USP33: variants seen among roughly 807,000 people sequenced by gnomAD.
USP33 encodes the protein ubiquitin specific peptidase 33, also known as ubiquitin carboxyl-terminal hydrolase 33.
In USP33, 46 loss-of-function variants were observed where a neutral mutation model predicts 124.2. That is an observed-to-expected ratio of 0.37 (90% CI 0.29 to 0.47). The LOEUF is 0.47. USP33 is among the 20% of genes least tolerant of loss of function. USP33 has a pLI of 0.99. For missense variants in USP33, 851 were observed against 1,070.6 expected, an observed-to-expected ratio of 0.79 and a Z score of 2.86; for synonymous variants, 350 against 352.3, an observed-to-expected ratio of 0.99 and a Z score of 0.07.
At chr1:77,713,485 A>AGT in intron 19 of USP33, 2 of 464,346 alleles carry the variant, frequency 4.3e-6, no homozygotes, top group Non-Finnish European at 7.4e-6. Context: ...CCTGGGCTCA[A>AGT]GGCATCCTCC....
intron 22 of USP33, among the ~76,000 whole-genome samples, chr1:77,698,610 C>T (rs1254579321): frequency 6.6e-6 from 1 of 151,060 alleles, no homozygotes; most frequent in Non-Finnish European, 1.5e-5. Flanking sequence ...ATGCCATTCT[C>T]CTGCCTCAGC....
rs749660866 is a variant in USP33 at position 77,722,015 on chromosome 1, A to C, written c.1562+9T>G. 1.2e-6 allele frequency: 2 copies of C among 1,608,292 alleles called. No homozygotes were observed. The highest frequency in any genetic ancestry group is 2.2e-5 in the South Asian group (2 of 89,808). Reference sequence around the variant, plus strand: ...ACAATCATGTAATACAAAGAAAATAAATACATACCTCTTCACATATTCCAT... The same window carrying C: ...ACAATCATGTAATACAAAGAAAATACATACATACCTCTTCACATATTCCAT... On this transcript the variant is annotated intron_variant, in intron 13 of 23. Coordinates refer to ENST00000370794, the MANE Select transcript of USP33 (RefSeq NM_201624.3).
chr1:77,721,961 C>A, intron 13 of USP33, 36 bp from the exon 14 acceptor site: 1 of 1,603,060 alleles, frequency 6.2e-7, no homozygotes, highest in South Asian at 1.1e-5. Flanking sequence ...AGGAAGTGTT[C>A]TGCCAGTACA....
chr1:77,718,936 A>AC (rs1303225081), intron 15 of USP33, among the ~76,000 whole-genome samples: 1 of 151,638 alleles, frequency 6.6e-6, no homozygotes, highest in East Asian at 1.9e-4. Context: ...CAAAAAAAAA[A>AC]AAAAAAAAAG....
In USP33 at chr1:77,741,861, A is replaced by G. The variant is rs1679155713; in HGVS notation, c.-51-113T>C. ...ACATATTAAAAATGATTAAAAGATAACATAAGAATGATATAAGTTTGCCCT... is the reference window on the plus strand; with the variant it reads ...ACATATTAAAAATGATTAAAAGATAGCATAAGAATGATATAAGTTTGCCCT... On this transcript the variant is annotated intron_variant, in intron 1 of 23. Transcript: ENST00000370794. 3.9e-6 allele frequency: 4 copies of G among 1,020,100 alleles called. No individual in the cohort carries two copies. In the African/African-American group the frequency reaches 5.0e-5, roughly 13 times the overall value. 63.2% of individuals were successfully genotyped at this position (1,020,100 alleles called of 1,614,324 possible). A position where few individuals can be genotyped will look rare whatever the true frequency, so the allele number is the denominator to read the frequency against.
chr1:77,712,278 A>G (rs1675347458), intron 20 of USP33, among the ~76,000 whole-genome samples: 1 of 152,240 alleles, frequency 6.6e-6, no homozygotes, highest in South Asian at 2.1e-4. Flanking sequence ...AATTAGTAGG[A>G]AAACTGTGGT....
Position 77,728,665 on chromosome 1 carries a change from T to C in USP33, c.765A>G (p.Glu255=). ...CTACTTCCATGACTTGCTCTTTCAA[T>C]TCTTCATGAAGCAAATCCATTAAAC... The part of the protein sequence containing the change: ...LRCLMDLLHE[E]LKEQVMEVEE... Residue 255 remains glutamate (E), a synonymous_variant, in exon 10 of 24, where the codon GAA becomes GAG. Transcript: ENST00000370794. The C allele has an allele frequency of 6.2e-7, 1 of 1,613,942 alleles. No homozygotes were observed.
intron 4 of USP33, among the ~76,000 whole-genome samples, chr1:77,740,600 C>A (rs1317866361): frequency 6.6e-6 from 1 of 152,192 alleles, no homozygotes. Context: ...AGGTGATCCA[C>A]CTGCCTTGGC....
At position 77,725,706 on chromosome 1, in the gene USP33, T is replaced by A. The variant is rs762063610; in HGVS notation, c.1192A>T (p.Asn398Tyr). 1 of 1,614,126 alleles carries A rather than the reference T, an allele frequency of 6.2e-7. No homozygotes were observed. Among genetic ancestry groups the A allele is most frequent in the Non-Finnish European group, 8.5e-7 (1 of 1,180,006 alleles). Reference sequence around the variant, plus strand: ...GATAAACGTGGATTAACACCTTCATTTGATGGAAGGATCTGTGGTGTAGAC... The same window carrying A: ...GATAAACGTGGATTAACACCTTCATATGATGGAAGGATCTGTGGTGTAGAC... ...DLSTPQILPS[N>Y]EGVNPRLSAS... The change falls in exon 11 of 24, where the codon AAT (asparagine) becomes TAT (tyrosine). Residue 398 changes from asparagine (N) to tyrosine (Y), a missense_variant. By Grantham distance (143) the Asn-to-Tyr change is moderately radical (BLOSUM62 -2). This residue lies in a region of USP33 where 207 missense variants were observed against 200.9 expected (regional missense o/e 1.03). Coordinates refer to ENST00000370794, the MANE Select transcript of USP33 (RefSeq NM_201624.3).
intron 21 of USP33, among the ~76,000 whole-genome samples, chr1:77,702,768 C>T (rs1229896071): frequency 6.6e-6 from 1 of 151,544 alleles, no homozygotes; most frequent in African/African-American, 2.4e-5. Flanking sequence ...TCTTTTTTGC[C>T]AGGTTAGCCA....
At chr1:77,748,803 C>T (rs1470384509) in intron 1 of USP33, among the ~76,000 whole-genome samples, 2 of 111,142 alleles carry the variant, frequency 1.8e-5, no homozygotes, top group Non-Finnish European at 3.3e-5. Flanking sequence ...GTGCTTGAAT[C>T]AGGATTGGCA....
intron 1 of USP33, among the ~76,000 whole-genome samples, chr1:77,744,016 C>T (rs1285915391): frequency 1.3e-5 from 2 of 151,492 alleles, no homozygotes; most frequent in African/African-American, 4.9e-5. Context: ...CCCAGCTACT[C>T]AGGAGGCTGA....
At position 77,721,838 on chromosome 1, in the gene USP33, T is replaced by A. The variant is rs1324504233; in HGVS notation, c.1650A>T (p.Glu550Asp). The change falls in exon 14 of 24, where the codon GAA (glutamate) becomes GAT (aspartate). Residue 550 changes from glutamate (E) to aspartate (D), a missense_variant. This residue lies in a region of USP33 where 281 missense variants were observed against 425.0 expected (regional missense o/e 0.66). Coordinates refer to ENST00000370794, the MANE Select transcript of USP33 (RefSeq NM_201624.3). ...AGATATTATATTTCTTACCTTTTAG[T>A]TCATCTCTGGCAAAGAAGGCAGCAA... ...DCLAAFFARD[E>D]LKGDNMYSCE... The A allele has an allele frequency of 1.2e-6, 2 of 1,606,718 alleles. No individual in the cohort carries two copies. Among genetic ancestry groups the A allele is most frequent in the Admixed American group, 3.5e-5 (2 of 57,710 alleles).
chr1:77,721,063 TG>T, intron 15 of USP33, 108 bp downstream of exon 15: 1 of 1,199,626 alleles, frequency 8.3e-7, no homozygotes, highest in Non-Finnish European at 1.2e-6. Context: ...TAAACCTTTC[TG>T]GCCTACATTT....
chr1:77,748,996 A>G (rs1304858357), intron 1 of USP33, among the ~76,000 whole-genome samples: 2 of 152,086 alleles, frequency 1.3e-5, no homozygotes, highest in Non-Finnish European at 2.9e-5. Flanking sequence ...TCATTTTTTC[A>G]AACCTTTCAT....
chr1:77,735,230 G>A (rs1424161274), intron 6 of USP33, among the ~76,000 whole-genome samples: 2 of 152,206 alleles, frequency 1.3e-5, no homozygotes, highest in South Asian at 2.1e-4. Flanking sequence ...ATATTAAAAC[G>A]AGCCATTGAA....
chr1:77,714,220 T>C lies in USP33; in HGVS notation c.2215+394A>G, dbSNP rs556901735. 5.3e-5 allele frequency among the ~76,000 whole-genome samples: 8 copies of C among 152,306 alleles called. No homozygotes were observed. In the South Asian group the frequency reaches 1.7e-3, roughly 32 times the overall value. On this transcript the variant is annotated intron_variant, in intron 19 of 23. Coordinates refer to ENST00000370794, the MANE Select transcript of USP33 (RefSeq NM_201624.3). ...GGTTAAGAACCACCAATATAGTCGA[T>C]AGATAAAATCACCAGCACAGGAATG...
chr1:77,741,530 T>C, intron 2 of USP33, 87 bp downstream of exon 2: 1 of 1,534,110 alleles, frequency 6.5e-7, no homozygotes, highest in Non-Finnish European at 8.8e-7. Flanking sequence ...AAAATACTGC[T>C]CATAGAGTAT....
chr1:77,736,732 C>A (rs1678501471), intron 5 of USP33, among the ~76,000 whole-genome samples: 1 of 152,120 alleles, frequency 6.6e-6, no homozygotes, highest in African/African-American at 2.4e-5. Flanking sequence ...GCCTCAGACT[C>A]CCAAGCAGCT....
Sources: allele counts gnomAD v4.1 joint callset (sites outside exome capture counted in the v4.1 genomes callset), GRCh38; gene constraint gnomAD v4.1.1; regional missense constraint gnomAD v4.1.1; transcripts MANE v1.5; gene names NCBI Gene and HGNC (gene_info 2026-07-23, HGNC 2026-07-21).